The following KIFC3 variants were observed in gnomAD, a reference collection of about 807,000 sequenced individuals.
The protein encoded by KIFC3 is kinesin-like protein KIFC3.
In KIFC3, 60 loss-of-function variants were observed where a neutral mutation model predicts 101.8. That is an observed-to-expected ratio of 0.59 (90% CI 0.48 to 0.73). KIFC3 has a LOEUF of 0.73. Among genes scored for constraint, KIFC3 ranks in the 30% least tolerant of loss-of-function variants. The pLI is 0.00. For synonymous variants in KIFC3, 476 were observed against 482.7 expected (o/e 0.99, Z 0.18); for missense variants, 966 against 1,137.1 (o/e 0.85, Z 2.16).
chr16:57,759,579 G>A (rs2049567768), intron 18 of KIFC3, 149 bp downstream of exon 18: 3 of 620,114 alleles, frequency 4.8e-6, no homozygotes, highest in Non-Finnish European at 8.5e-6. Flanking sequence ...ACTACTGCCT[G>A]GGGGCAGGGG....
At chr16:57,805,023 G>A (rs2054902261), upstream of KIFC3, among the ~76,000 whole-genome samples, 1 of 151,788 alleles carries the variant, frequency 6.6e-6, no homozygotes. Context: ...TAGAGACAGG[G>A]TTTCACCATG....
Position 57,759,139 on chromosome 16 carries a change from G to A in KIFC3, c.*10C>T. On this transcript the variant is annotated 3_prime_UTR_variant, in exon 19 of 20. Coordinates refer to ENST00000445690, the MANE Select transcript of KIFC3 (RefSeq NM_001130100.2). Reference sequence around the variant, plus strand: ...CCCACACTCACCTAGAGACTCTGCAGCCCCAGCCGTCAGGCTGAAATCAAA... The same window carrying A: ...CCCACACTCACCTAGAGACTCTGCAACCCCAGCCGTCAGGCTGAAATCAAA... 2 of 1,550,784 alleles carry A rather than the reference G, an allele frequency of 1.3e-6. No individual in the cohort carries two copies. Among genetic ancestry groups the A allele is most frequent in the South Asian group, 1.2e-5 (1 of 84,064 alleles).
At chr16:57,846,235 A>G (rs2055915467) in intron 1 of KIFC3, 1 of 152,286 alleles carries the variant, frequency 6.6e-6, no homozygotes, top group Admixed American at 6.5e-5. Flanking sequence ...GCAGTAGAGG[A>G]CCACACCCCT....
At chr16:57,831,946 G>A (rs996803639) in intron 1 of KIFC3, among the ~76,000 whole-genome samples, 20 of 152,180 alleles carry the variant, frequency 1.3e-4, no homozygotes, top group Admixed American at 1.2e-3. Flanking sequence ...AAAGGGATAG[G>A]ATACAAAATG....
intron 3 of KIFC3, chr16:57,782,259 A>T: frequency 1.8e-6 from 1 of 552,512 alleles, no homozygotes; most frequent in Non-Finnish European, 2.3e-6. Context: ...TGGGAAGTGA[A>T]GGCTCAGAGA....
At chr16:57,797,903 C>G (rs1378240660) in intron 2 of KIFC3, 169 bp downstream of exon 2, 2 of 1,484,670 alleles carry the variant, frequency 1.3e-6, no homozygotes, top group African/African-American at 2.9e-5. Context: ...GAGCGCCCGG[C>G]GAGACTGACG....
intron 3 of KIFC3, among the ~76,000 whole-genome samples, chr16:57,783,179 C>T (rs957246110): frequency 1.3e-5 from 2 of 152,150 alleles, no homozygotes; most frequent in African/African-American, 4.8e-5. Context: ...TCAAAAACCT[C>T]TTTAAAGTCA....
chr16:57,758,816 G>C lies in KIFC3; in HGVS notation c.*118C>G. On this transcript the variant is annotated 3_prime_UTR_variant, in exon 20 of 20. Transcript: ENST00000445690. ...CCTCCACTCTCGCCTCTACCTCCGG[G>C]GGTCCTGGCGCTGCAGCAGGGACAG... The C allele has an allele frequency of 6.5e-7, 1 of 1,550,176 alleles. No homozygotes were observed. The highest frequency in any genetic ancestry group is 8.9e-7 in the Non-Finnish European group (1 of 1,126,086).
intron 1 of KIFC3, among the ~76,000 whole-genome samples, chr16:57,825,897 T>G (rs1472351074): frequency 6.6e-6 from 1 of 152,210 alleles, no homozygotes; most frequent in East Asian, 1.9e-4. Context: ...CTCAGGCTGG[T>G]CTCGAACTCC....
At position 57,769,890 on chromosome 16, in the gene KIFC3, C is replaced by T. The variant is rs2050944006; in HGVS notation, c.1005G>A (p.Leu335=). The change falls in exon 8 of 20, where the codon CTG becomes CTA. Residue 335 remains leucine (L), a synonymous_variant. Coordinates refer to ENST00000445690, the MANE Select transcript of KIFC3 (RefSeq NM_001130100.2). The surrounding 1 kb of genome is among the most constrained non-coding windows in gnomAD (Gnocchi z 4.3). ...HGQMLEEMQS[L]EEDKNRAIEE... ...CAATGGCCCGGTTCTTGTCCTCTTC[C>T]AGGGACTGCATCTCCTCCAGCATCT... 2 of 1,613,976 alleles carry T rather than the reference C, an allele frequency of 1.2e-6. No homozygotes were observed. Among genetic ancestry groups the T allele is most frequent in the East Asian group, 4.5e-5 (2 of 44,888 alleles).
intron 1 of KIFC3, among the ~76,000 whole-genome samples, chr16:57,825,822 C>A (rs2055446557): frequency 6.6e-6 from 1 of 152,094 alleles, no homozygotes; most frequent in Non-Finnish European, 1.5e-5. Context: ...TGGGGGAGTA[C>A]AGGTGTGCAC....
intron 13 of KIFC3, 130 bp from the exon 14 acceptor site, chr16:57,761,666 T>C: frequency 2.0e-6 from 2 of 987,572 alleles, no homozygotes; most frequent in Admixed American, 4.2e-5. Flanking sequence ...TGAGTGCATC[T>C]CTCCTCCTCC....
intron 1 of KIFC3, among the ~76,000 whole-genome samples, chr16:57,840,472 A>G (rs747431997): frequency 6.6e-5 from 10 of 151,698 alleles, no homozygotes; most frequent in Non-Finnish European, 1.5e-4. Context: ...AAAAAATAAA[A>G]GTTAAAGGCT....
At chr16:57,778,969 T>G (rs1158913131) in intron 3 of KIFC3, among the ~76,000 whole-genome samples, 1 of 152,194 alleles carries the variant, frequency 6.6e-6, no homozygotes, top group African/African-American at 2.4e-5. Context: ...GGAACCCGTG[T>G]GCACTGTTAG....
chr16:57,803,109 C>T, upstream of KIFC3: 3 of 1,330,302 alleles, frequency 2.3e-6, no homozygotes, highest in African/African-American at 1.4e-5. Context: ...TACCTCTGCA[C>T]CCCCAGCCCC....
chr16:57,822,657 A>G (rs1555630094), intron 1 of KIFC3, among the ~76,000 whole-genome samples: 1 of 152,148 alleles, frequency 6.6e-6, no homozygotes, highest in Admixed American at 6.5e-5. Context: ...AGATCACACC[A>G]TTGCACTCCA....
At chr16:57,768,790 C>T (rs1383449094) in intron 9 of KIFC3, among the ~76,000 whole-genome samples, 1 of 152,150 alleles carries the variant, frequency 6.6e-6, no homozygotes, top group Non-Finnish European at 1.5e-5. Flanking sequence ...AACAGCTCGA[C>T]ATGTAGGAGG....
intron 12 of KIFC3, 50 bp from the exon 13 acceptor site, chr16:57,762,320 G>C: frequency 6.9e-7 from 1 of 1,453,792 alleles, no homozygotes; most frequent in Non-Finnish European, 9.1e-7. Context: ...CCCCAAAGAC[G>C]CTCGTGTGGT....
intron 10 of KIFC3, chr16:57,765,916 C>T (rs1597910478): frequency 7.7e-6 from 3 of 387,988 alleles, no homozygotes; most frequent in East Asian, 8.5e-5. Context: ...TCAAGCACTG[C>T]ACCCCGTCAG....
Sources: allele counts gnomAD v4.1 joint callset (sites outside exome capture counted in the v4.1 genomes callset), GRCh38; gene constraint gnomAD v4.1.1; non-coding constraint Gnocchi (gnomAD v3.1); transcripts MANE v1.5; gene names NCBI Gene and HGNC (gene_info 2026-07-23, HGNC 2026-07-21).